NAV2: variants seen among roughly 807,000 people sequenced by gnomAD.
NAV2 encodes the protein helicase, APC down-regulated 1.
In NAV2, 54 loss-of-function variants were observed where a neutral mutation model predicts 223.2. The observed-to-expected ratio is 0.24, with a 90% CI of 0.19 to 0.30. The LOEUF is 0.30. NAV2 is among the 10% of genes least tolerant of loss of function. The pLI, the probability that NAV2 is intolerant of heterozygous loss-of-function variation, is 1.00. For synonymous variants in NAV2, 1,279 were observed against 1,239.3 expected, an observed-to-expected ratio of 1.03 and a Z score of -0.67; for missense variants, 2,806 against 3,147.5, an observed-to-expected ratio of 0.89 and a Z score of 2.60.
chr11:19,493,970 G>C (rs2042714015), intron 1 of NAV2, among the ~76,000 whole-genome samples: 1 of 152,238 alleles, frequency 6.6e-6, no homozygotes, highest in South Asian at 2.1e-4. Context: ...CAGGAGAACT[G>C]TTTGATCTCC....
chr11:19,363,730 G>C (rs960506663), intron 1 of NAV2, among the ~76,000 whole-genome samples: 3 of 152,188 alleles, frequency 2.0e-5, no homozygotes, highest in African/African-American at 7.2e-5. Context: ...CCAATTGCAT[G>C]TCTAGACCAC....
intron 11 of NAV2, among the ~76,000 whole-genome samples, chr11:19,984,482 G>A (rs2050587789): frequency 6.6e-6 from 1 of 152,122 alleles, no homozygotes; most frequent in African/African-American, 2.4e-5. Context: ...AGTAACACAG[G>A]GAGTTCAGGC....
In NAV2 at chr11:19,859,283, TGC is replaced by T. The variant is rs1428477613; in HGVS notation, c.439-9640_439-9639del. 2.7e-5 allele frequency among the ~76,000 whole-genome samples: 4 copies of T among 149,590 alleles called. No homozygotes were observed. The East Asian group carries it at 8.0e-4, about 30-fold the overall frequency. On this transcript the variant is annotated intron_variant, in intron 3 of 37. Transcript: ENST00000349880. ...TCTGGTTTTCCTAGGCAGAGGACCC[TGC>T]GGCCTTCCGCAGTGTTTGTGTCCCT...
chr11:19,985,503 A>G (rs990639970), intron 11 of NAV2, among the ~76,000 whole-genome samples: 15 of 152,104 alleles, frequency 9.9e-5, no homozygotes, highest in Non-Finnish European at 2.2e-4. Context: ...AAAGAAAGGA[A>G]TGGGTTTGAA....
intron 6 of NAV2, among the ~76,000 whole-genome samples, chr11:19,929,633 C>A (rs1201222953): frequency 2.0e-5 from 3 of 152,042 alleles, no homozygotes; most frequent in African/African-American, 7.3e-5. Context: ...AATTCTGATT[C>A]TTTGAGTTTT....
chr11:19,729,201 A>C (rs2051518152), intron 1 of NAV2, among the ~76,000 whole-genome samples: 1 of 152,156 alleles, frequency 6.6e-6, no homozygotes, highest in African/African-American at 2.4e-5. Context: ...TGAGGGAAGG[A>C]GGGAACTGGG....
In NAV2 at chr11:20,103,723, A is replaced by G; in HGVS notation, c.6643A>G (p.Arg2215Gly). The stretch of plus-strand genomic sequence containing the variant: ...CAACCTGCAGCTTCACCATAACTTC[A>G]GGTCAGTTTTCCCTTCCCTTGTCCA... ...TPNLQLHHNF[R>G]WVLCANHTEP... is the part of the protein sequence containing the mutation. The change falls in exon 34 of 38, where the codon AGA becomes GGA. Residue 2215 changes from arginine to glycine, a missense_variant and splice_region_variant. This residue lies in a region of NAV2 where 824 missense variants were observed against 1,069.4 expected (regional missense o/e 0.77). Transcript: ENST00000349880. 1 of 1,614,046 alleles carries G rather than the reference A, an allele frequency of 6.2e-7. No homozygotes were observed. The highest frequency in any genetic ancestry group is 8.5e-7 in the Non-Finnish European group (1 of 1,179,878).
Position 19,772,117 on chromosome 11 carries a change from A to G in NAV2, c.267+58155A>G, listed in dbSNP as rs1466653379. ...AGCCTACCAACTGTGTACTTCCACAAGCTTTTTATTTTAATTTTTATACAT... is the reference window on the plus strand; with the variant it reads ...AGCCTACCAACTGTGTACTTCCACAGGCTTTTTATTTTAATTTTTATACAT... On this transcript the variant is annotated intron_variant, in intron 1 of 37. Coordinates refer to ENST00000349880, the MANE Select transcript of NAV2 (RefSeq NM_145117.5). Among the ~76,000 whole-genome samples, 5 of 152,198 alleles carry G rather than the reference A, an allele frequency of 3.3e-5. No individual in the cohort carries two copies. The East Asian group carries it at 7.7e-4, about 23-fold the overall frequency.
At chr11:19,455,109 C>A (rs1851916933) in intron 1 of NAV2, among the ~76,000 whole-genome samples, 1 of 152,158 alleles carries the variant, frequency 6.6e-6, no homozygotes, top group African/African-American at 2.4e-5. Flanking sequence ...AAGCAAGAGG[C>A]AGAGTGACTT....
intron 8 of NAV2, among the ~76,000 whole-genome samples, chr11:19,941,561 A>C (rs2046406010): frequency 6.6e-6 from 1 of 152,042 alleles, no homozygotes; most frequent in Non-Finnish European, 1.5e-5. Flanking sequence ...TCAATTGCTT[A>C]GTTCTTCCTC....
chr11:19,854,295 T>G (rs1309146406), intron 3 of NAV2, among the ~76,000 whole-genome samples: 1 of 152,206 alleles, frequency 6.6e-6, no homozygotes, highest in Non-Finnish European at 1.5e-5. Context: ...AAGGCATGGT[T>G]AGCCTATGGC....
chr11:19,620,063 T>C (rs1196189331), intron 1 of NAV2, among the ~76,000 whole-genome samples: 1 of 152,202 alleles, frequency 6.6e-6, no homozygotes, highest in East Asian at 1.9e-4. Flanking sequence ...AAAGATCAGA[T>C]AGTTGTAGAT....
At chr11:19,726,273 G>A (rs2051236723) in intron 1 of NAV2, among the ~76,000 whole-genome samples, 1 of 152,196 alleles carries the variant, frequency 6.6e-6, no homozygotes, top group African/African-American at 2.4e-5. Context: ...AGGAGGGGCT[G>A]AAATGGTGGC....
chr11:19,784,834 A>G (rs1226997175), intron 1 of NAV2, among the ~76,000 whole-genome samples: 1 of 152,202 alleles, frequency 6.6e-6, no homozygotes, highest in African/African-American at 2.4e-5. Flanking sequence ...TAATGAACGC[A>G]AAGCGCTCAG....
At chr11:19,362,227 T>C (rs1048734885) in intron 1 of NAV2, among the ~76,000 whole-genome samples, 2 of 152,202 alleles carry the variant, frequency 1.3e-5, no homozygotes, top group African/African-American at 4.8e-5. Flanking sequence ...CAGCTAGAAG[T>C]AGTAGACCAG....
At chr11:19,480,306 G>T (rs1236054472) in intron 1 of NAV2, among the ~76,000 whole-genome samples, 1 of 152,014 alleles carries the variant, frequency 6.6e-6, no homozygotes, top group Admixed American at 6.6e-5. Context: ...GGCAAGCTTT[G>T]GGGGACACTA....
At chr11:19,688,180 C>G (rs1243734150) in intron 1 of NAV2, among the ~76,000 whole-genome samples, 2 of 152,214 alleles carry the variant, frequency 1.3e-5, no homozygotes, top group Non-Finnish European at 2.9e-5. Flanking sequence ...ATCCCAATTA[C>G]AGCCTTGAAT....
chr11:19,613,805 A>C (rs1376496873), intron 1 of NAV2, among the ~76,000 whole-genome samples: 1 of 152,196 alleles, frequency 6.6e-6, no homozygotes, highest in Non-Finnish European at 1.5e-5. Flanking sequence ...CTTAGCTCAA[A>C]GGTTTCAAGG....
Position 20,045,085 on chromosome 11 carries a change from T to G in NAV2, c.3317T>G (p.Leu1106Arg). The G allele has an allele frequency of 6.2e-7, 1 of 1,614,040 alleles. No individual in the cohort carries two copies. The highest frequency in any genetic ancestry group is 8.5e-7 in the Non-Finnish European group (1 of 1,179,980). Residue 1106 changes from leucine (L) to arginine (R), a missense_variant, in exon 14 of 38, where the codon CTC (leucine) becomes CGC (arginine). By Grantham distance (102) the Leu-to-Arg change is moderately radical. Coordinates refer to ENST00000349880, the MANE Select transcript of NAV2 (RefSeq NM_145117.5). ...AGTGGTGACGAATCCAAAAAGCCCC[T>G]CCCCAGCAGCTCTAGGACACCTACT... ...RSSGDESKKP[L>R]PSSSRTPTAN...
Sources: allele counts gnomAD v4.1 joint callset (sites outside exome capture counted in the v4.1 genomes callset), GRCh38; gene constraint gnomAD v4.1.1; regional missense constraint gnomAD v4.1.1; transcripts MANE v1.5; gene names NCBI Gene and HGNC (gene_info 2026-07-23, HGNC 2026-07-21).